The following NOL4 variants were observed in gnomAD, a reference collection of about 807,000 sequenced individuals.
NOL4 encodes nucleolar protein 4.
NOL4 carries 17 observed loss-of-function variants against 75.9 expected under a neutral mutation model. The observed-to-expected ratio is 0.22, with a 90% confidence interval of 0.15 to 0.34. The LOEUF is 0.34. Ranked by LOEUF, NOL4 falls within the 10% of genes least tolerant of loss-of-function variation. The pLI is 1.00. For synonymous variants in NOL4, 292 were observed against 289.9 expected (o/e 1.01, Z -0.07); for missense variants, 614 against 793.5 (o/e 0.77, Z 2.72).
At chr18:33,978,071 G>A (rs2071645843) in intron 6 of NOL4, among the ~76,000 whole-genome samples, 1 of 152,132 alleles carries the variant, frequency 6.6e-6, no homozygotes, top group South Asian at 2.1e-4. Flanking sequence ...AGGAAAATTT[G>A]GAAATGCTGT....
intron 6 of NOL4, among the ~76,000 whole-genome samples, chr18:33,995,985 T>C (rs2073254194): frequency 6.6e-6 from 1 of 151,910 alleles, no homozygotes; most frequent in Non-Finnish European, 1.5e-5. Context: ...GTTATTCTTC[T>C]GCCTAGTTAT....
chr18:34,045,340 C>T (rs1568266869), intron 5 of NOL4, among the ~76,000 whole-genome samples: 2 of 152,088 alleles, frequency 1.3e-5, no homozygotes, highest in African/African-American at 4.8e-5. Flanking sequence ...CTAGTTTAGG[C>T]TCTTAGTCCT....
chr18:33,950,013 G>A (rs1412553850), intron 8 of NOL4, among the ~76,000 whole-genome samples: 1 of 151,474 alleles, frequency 6.6e-6, no homozygotes, highest in Non-Finnish European at 1.5e-5. Flanking sequence ...TATATACACT[G>A]TATATATTCT....
chr18:34,029,166 G>A (rs2075505235), intron 5 of NOL4, among the ~76,000 whole-genome samples: 1 of 151,990 alleles, frequency 6.6e-6, no homozygotes, highest in Non-Finnish European at 1.5e-5. Context: ...GCCCCCCTTT[G>A]GATCTCAAAT....
At chr18:34,150,450 C>A (rs2081592047) in intron 1 of NOL4, among the ~76,000 whole-genome samples, 1 of 151,630 alleles carries the variant, frequency 6.6e-6, no homozygotes. Flanking sequence ...ATATAGTCAA[C>A]TGATCTTTGA....
chr18:33,946,365 A>G (rs1417922481), intron 8 of NOL4, among the ~76,000 whole-genome samples: 3 of 151,700 alleles, frequency 2.0e-5, no homozygotes, highest in East Asian at 1.9e-4. Context: ...TTTATTATCA[A>G]ATTTAATCTC....
chr18:33,900,298 G>A (rs995642825), intron 9 of NOL4, among the ~76,000 whole-genome samples: 1 of 152,040 alleles, frequency 6.6e-6, no homozygotes, highest in Non-Finnish European at 1.5e-5. Flanking sequence ...ATTACTGTGA[G>A]GACAGCACTA....
intron 6 of NOL4, among the ~76,000 whole-genome samples, chr18:33,994,641 A>C (rs1381611462): frequency 6.6e-6 from 1 of 151,724 alleles, no homozygotes; most frequent in Non-Finnish European, 1.5e-5. Context: ...CAACTAAAGC[A>C]GTGCTTAGTG....
intron 2 of NOL4, among the ~76,000 whole-genome samples, chr18:34,118,676 G>A (rs1461193406): frequency 2.6e-5 from 4 of 152,154 alleles, no homozygotes; most frequent in Non-Finnish European, 4.4e-5. Flanking sequence ...TCACATTTGA[G>A]CCCAAGTGGA....
At chr18:34,097,393 C>T (rs1302040616) in intron 4 of NOL4, among the ~76,000 whole-genome samples, 1 of 110,790 alleles carries the variant, frequency 9.0e-6, no homozygotes, top group Non-Finnish European at 2.0e-5. Context: ...AAATTCATAT[C>T]CCCAGGTCCC....
At chr18:34,148,397 G>A (rs2081500700) in intron 1 of NOL4, among the ~76,000 whole-genome samples, 1 of 152,088 alleles carries the variant, frequency 6.6e-6, no homozygotes, top group African/African-American at 2.4e-5. Context: ...GTGTCCCAGA[G>A]ATTCTGGGAC....
intron 1 of NOL4, among the ~76,000 whole-genome samples, chr18:34,202,229 G>A (rs1427442316): frequency 6.6e-6 from 1 of 151,804 alleles, no homozygotes; most frequent in East Asian, 1.9e-4. Context: ...AGGGTTCTAA[G>A]GATACTAAGA....
chr18:34,204,975 C>A (rs2036018345), intron 1 of NOL4, among the ~76,000 whole-genome samples: 1 of 152,034 alleles, frequency 6.6e-6, no homozygotes, highest in South Asian at 2.1e-4. Context: ...GAAGTGTGAA[C>A]CAATTTCTGT....
At chr18:33,861,649 T>C (rs2063140525) in intron 10 of NOL4, among the ~76,000 whole-genome samples, 2 of 152,290 alleles carry the variant, frequency 1.3e-5, no homozygotes, top group Admixed American at 6.5e-5. Flanking sequence ...AGCCAAATCA[T>C]GAGTGAACTC....
At chr18:34,014,796 T>C (rs952635860) in intron 6 of NOL4, among the ~76,000 whole-genome samples, 1 of 152,082 alleles carries the variant, frequency 6.6e-6, no homozygotes, top group African/African-American at 2.4e-5. Flanking sequence ...TGTGATTCCC[T>C]GCTAGTCTAG....
intron 5 of NOL4, among the ~76,000 whole-genome samples, chr18:34,062,030 T>C (rs183848503): frequency 3.9e-5 from 6 of 152,038 alleles, no homozygotes; most frequent in African/African-American, 1.4e-4. Flanking sequence ...AAAAAATATA[T>C]AGCAGGAGCA....
chr18:34,169,039 T>C (rs2032739043), intron 1 of NOL4, among the ~76,000 whole-genome samples: 1 of 151,918 alleles, frequency 6.6e-6, no homozygotes, highest in Non-Finnish European at 1.5e-5. Flanking sequence ...CTGTTTATAA[T>C]AAATATCAAT....
chr18:33,922,505 T>C (rs2067099491), intron 9 of NOL4, among the ~76,000 whole-genome samples: 1 of 152,208 alleles, frequency 6.6e-6, no homozygotes, highest in Non-Finnish European at 1.5e-5. Context: ...GTGTACTTCA[T>C]AGCTGCTTTC....
intron 5 of NOL4, among the ~76,000 whole-genome samples, chr18:34,046,302 C>G (rs1003576102): frequency 6.6e-6 from 1 of 151,940 alleles, no homozygotes; most frequent in African/African-American, 2.4e-5. Context: ...GAGAGAGAAT[C>G]TGACGATGGA....
Sources: gnomAD v4.1 joint callset for allele counts (sites outside exome capture counted in the v4.1 genomes callset) on GRCh38, gnomAD v4.1.1 for gene constraint, MANE v1.5 for transcripts, NCBI Gene and HGNC (gene_info 2026-07-23, HGNC 2026-07-21) for gene names.